Variants in NLGN1 observed in about 807,000 individuals in gnomAD.
NLGN1 encodes neuroligin-1.
In NLGN1, 12 loss-of-function variants were observed where a neutral mutation model predicts 65.5. That is an observed-to-expected ratio of 0.18 (90% CI 0.12 to 0.30). The LOEUF (loss-of-function observed/expected upper bound fraction) is 0.30. NLGN1 is among the 10% of genes least tolerant of loss of function. NLGN1 has a pLI of 1.00. For synonymous variants in NLGN1, 350 were observed against 359.5 expected (o/e 0.97, Z 0.30); for missense variants, 750 against 1,007.1 (o/e 0.74, Z 3.46).
chr3:173,498,894 T>TG (rs1208515241), intron 2 of NLGN1, among the ~76,000 whole-genome samples: 1 of 151,796 alleles, frequency 6.6e-6, no homozygotes, highest in Non-Finnish European at 1.5e-5. Flanking sequence ...CACTTTTTGA[T>TG]GGGGTTGTTT....
intron 4 of NLGN1, among the ~76,000 whole-genome samples, chr3:174,112,759 G>C (rs550351790): frequency 2.6e-5 from 4 of 151,916 alleles, no homozygotes; most frequent in African/African-American, 9.6e-5. Context: ...CTAAAAATAT[G>C]TTAGATTAAA....
At chr3:173,652,839 A>G (rs1213973066) in intron 3 of NLGN1, among the ~76,000 whole-genome samples, 2 of 152,168 alleles carry the variant, frequency 1.3e-5, no homozygotes, top group African/African-American at 4.8e-5. Context: ...TTTAGGCACT[A>G]TGGTCATTTT....
intron 4 of NLGN1, among the ~76,000 whole-genome samples, chr3:174,022,070 T>G (rs1164006221): frequency 6.6e-6 from 1 of 152,150 alleles, no homozygotes; most frequent in African/African-American, 2.4e-5. Context: ...CTGTAGTTAG[T>G]GGAGATCTGT....
intron 2 of NLGN1, among the ~76,000 whole-genome samples, chr3:173,490,045 C>T (rs1728851024): frequency 6.6e-6 from 1 of 152,142 alleles, no homozygotes; most frequent in Admixed American, 6.5e-5. Context: ...TGCCTGTTCA[C>T]TCTGATGGTA....
At chr3:173,496,694 A>T (rs979945676) in intron 2 of NLGN1, among the ~76,000 whole-genome samples, 7 of 151,834 alleles carry the variant, frequency 4.6e-5, no homozygotes, top group Admixed American at 4.6e-4. Context: ...AAAATAAAGG[A>T]TTTTTCTTAA....
chr3:173,728,798 A>G (rs1021029811), intron 3 of NLGN1, among the ~76,000 whole-genome samples: 2 of 152,072 alleles, frequency 1.3e-5, no homozygotes, highest in Non-Finnish European at 2.9e-5. Context: ...AGACGCAAAG[A>G]AGGATTTTTT....
At chr3:173,411,653 G>C (rs1277874770) in intron 1 of NLGN1, among the ~76,000 whole-genome samples, 1 of 151,932 alleles carries the variant, frequency 6.6e-6, no homozygotes, top group African/African-American at 2.4e-5. Context: ...TATGAAGTGA[G>C]GAAAAAAGGC....
At chr3:173,555,103 TTAGC>T (rs1172896510) in intron 2 of NLGN1, among the ~76,000 whole-genome samples, 1 of 152,204 alleles carries the variant, frequency 6.6e-6, no homozygotes, top group Non-Finnish European at 1.5e-5. Flanking sequence ...ATTGAGCTGT[TTAGC>T]TATGTATTGT....
intron 4 of NLGN1, among the ~76,000 whole-genome samples, chr3:174,033,490 C>T (rs1730472642): frequency 7.3e-6 from 1 of 136,314 alleles, no homozygotes; most frequent in Admixed American, 7.0e-5. Context: ...TCAGGTGTAA[C>T]ACAGATGCTG....
At chr3:173,884,386 A>C (rs1438056206) in intron 4 of NLGN1, among the ~76,000 whole-genome samples, 1 of 152,166 alleles carries the variant, frequency 6.6e-6, no homozygotes, top group African/African-American at 2.4e-5. Context: ...GCTATTTGTA[A>C]TGAGGCACAG....
At chr3:174,050,542 A>G (rs1734593267) in intron 4 of NLGN1, among the ~76,000 whole-genome samples, 1 of 152,118 alleles carries the variant, frequency 6.6e-6, no homozygotes, top group Admixed American at 6.6e-5. Context: ...TAATTAAAAA[A>G]GAAAATAGTA....
chr3:173,569,087 T>C (rs1183166242), intron 2 of NLGN1, among the ~76,000 whole-genome samples: 1 of 152,164 alleles, frequency 6.6e-6, no homozygotes, highest in African/African-American at 2.4e-5. Flanking sequence ...TGCAGTAAAA[T>C]TACTCTTCAA....
intron 2 of NLGN1, among the ~76,000 whole-genome samples, chr3:173,491,339 T>C (rs910122094): frequency 9.2e-5 from 14 of 151,920 alleles, no homozygotes; most frequent in Non-Finnish European, 2.9e-5. Context: ...CTTTTCTGCA[T>C]CTATTGAGAT....
At chr3:173,811,202 T>C (rs1264086914) in intron 4 of NLGN1, among the ~76,000 whole-genome samples, 5 of 152,180 alleles carry the variant, frequency 3.3e-5, no homozygotes, top group Non-Finnish European at 7.3e-5. Context: ...CTTATATATG[T>C]TTAAAATTAT....
chr3:173,818,728 A>G (rs1293575244), intron 4 of NLGN1, among the ~76,000 whole-genome samples: 1 of 152,066 alleles, frequency 6.6e-6, no homozygotes, highest in African/African-American at 2.4e-5. Flanking sequence ...ACCTGCCTAT[A>G]ACTCTGAGAA....
chr3:174,202,984 A>T (rs1037582082), intron 4 of NLGN1, among the ~76,000 whole-genome samples: 1 of 152,068 alleles, frequency 6.6e-6, no homozygotes, highest in African/African-American at 2.4e-5. Flanking sequence ...CACTTTATTT[A>T]TTTATTTATT....
chr3:173,512,499 T>G (rs1411715451), intron 2 of NLGN1, among the ~76,000 whole-genome samples: 1 of 152,160 alleles, frequency 6.6e-6, no homozygotes, highest in Admixed American at 6.5e-5. Context: ...AGGTGCTTCT[T>G]CCCGATGTCC....
At chr3:173,832,377 A>G (rs1008601722) in intron 4 of NLGN1, among the ~76,000 whole-genome samples, 1 of 152,200 alleles carries the variant, frequency 6.6e-6, no homozygotes, top group Non-Finnish European at 1.5e-5. Context: ...CTTTCCTTAT[A>G]TTAACTATTG....
At chr3:174,292,682 T>C in the NLGN1 span, among the ~76,000 whole-genome samples, 1 of 151,508 alleles carries the variant, frequency 6.6e-6, no homozygotes, top group Non-Finnish European at 1.5e-5. Context: ...GTAGAAGTTA[T>C]TTCAGCTAAT....
Sources: gnomAD v4.1 joint callset for allele counts (sites outside exome capture counted in the v4.1 genomes callset) on GRCh38, gnomAD v4.1.1 for gene constraint, MANE v1.5 for transcripts, NCBI Gene and HGNC (gene_info 2026-07-23, HGNC 2026-07-21) for gene names.